Variants in CCDC171 observed in about 807,000 individuals in gnomAD.
The protein encoded by CCDC171 is coiled-coil domain containing 171, also known as coiled-coil domain-containing protein 171.
In CCDC171, 177 loss-of-function variants were observed where a neutral mutation model predicts 168.2. The observed-to-expected ratio is 1.05, with a 90% CI of 0.93 to 1.19. The LOEUF (loss-of-function observed/expected upper bound fraction) is 1.19, where lower values mean the gene tolerates loss of function less well. CCDC171 is among the 50% of genes most tolerant of loss of function. The pLI is 0.00. For synonymous variants in CCDC171, 687 were observed against 540.8 expected (o/e 1.27, Z -3.75); for missense variants, 1,991 against 1,539.0 (o/e 1.29, Z -4.91).
intron 20 of CCDC171, among the ~76,000 whole-genome samples, chr9:15,779,898 A>C (rs1340902657): frequency 1.3e-5 from 2 of 152,232 alleles, no homozygotes; most frequent in East Asian, 3.8e-4. Flanking sequence ...TTCTGTTTGC[A>C]GTTGGGATAG....
chr9:15,559,465 T>C (rs1024179615), intron 1 of CCDC171, among the ~76,000 whole-genome samples: 3 of 152,226 alleles, frequency 2.0e-5, no homozygotes, highest in Non-Finnish European at 4.4e-5. Context: ...CTTGTTGAAC[T>C]GATCCCTTTA....
intron 3 of CCDC171, among the ~76,000 whole-genome samples, chr9:16,013,968 G>T (rs188407875): frequency 5.3e-5 from 8 of 152,292 alleles, no homozygotes; most frequent in African/African-American, 1.9e-4. Context: ...ATTACTGAAG[G>T]CTGGGGTGGC....
chr9:16,080,864 T>A, the CCDC171 span, among the ~76,000 whole-genome samples: 3 of 152,318 alleles, frequency 2.0e-5, no homozygotes, highest in African/African-American at 7.2e-5. Flanking sequence ...TGTATCTCTC[T>A]GACCATAGTC....
chr9:15,853,813 T>G (rs538633293), intron 23 of CCDC171, among the ~76,000 whole-genome samples: 1 of 151,576 alleles, frequency 6.6e-6, no homozygotes, highest in South Asian at 2.1e-4. Flanking sequence ...AGGAATTCAG[T>G]TTTGTCAAAT....
At chr9:15,581,068 G>A (rs965720752) in intron 4 of CCDC171, among the ~76,000 whole-genome samples, 2 of 152,184 alleles carry the variant, frequency 1.3e-5, no homozygotes, top group African/African-American at 2.4e-5. Flanking sequence ...AAGCTGATAA[G>A]CAACTTCAGC....
At chr9:15,995,386 G>C (rs1256338198) in intron 3 of CCDC171, among the ~76,000 whole-genome samples, 1 of 152,198 alleles carries the variant, frequency 6.6e-6, no homozygotes, top group Non-Finnish European at 1.5e-5. Flanking sequence ...TGTCCCTGGT[G>C]ATCCATGTAT....
At chr9:15,604,094 G>A (rs968446206) in intron 6 of CCDC171, among the ~76,000 whole-genome samples, 1 of 101,558 alleles carries the variant, frequency 9.8e-6, no homozygotes, top group African/African-American at 3.5e-5. Flanking sequence ...ACTTTTTGAT[G>A]GTTTTTTTTT....
At chr9:15,824,955 A>G (rs1041955421) in intron 21 of CCDC171, among the ~76,000 whole-genome samples, 2 of 152,080 alleles carry the variant, frequency 1.3e-5, no homozygotes, top group African/African-American at 4.8e-5. Context: ...GACTTGGATG[A>G]TGGTGATGCA....
intron 11 of CCDC171, among the ~76,000 whole-genome samples, chr9:15,710,855 C>T (rs1416453940): frequency 6.6e-6 from 1 of 152,172 alleles, no homozygotes; most frequent in Admixed American, 6.5e-5. Flanking sequence ...CCTCGGCCTC[C>T]CAAAGTGCTG....
At chr9:15,854,350 A>G (rs139297110) in intron 23 of CCDC171, among the ~76,000 whole-genome samples, 17 of 151,302 alleles carry the variant, frequency 1.1e-4, no homozygotes, top group South Asian at 1.0e-3. Context: ...GAATTCGTCT[A>G]TTTTATCTAA....
intron 21 of CCDC171, 33 bp downstream of exon 21, chr9:15,784,727 A>G (rs773368544): frequency 1.2e-5 from 18 of 1,499,782 alleles, no homozygotes; most frequent in Admixed American, 1.7e-5. Context: ...GCATAAAGGG[A>G]TATTTTATCT....
intron 11 of CCDC171, among the ~76,000 whole-genome samples, chr9:15,695,751 C>T (rs114039132): frequency 0.012 from 1,828 of 152,256 alleles, 27 homozygotes; most frequent in African/African-American, 0.042. Context: ...TGTAGCATAG[C>T]GCATGTTCTA....
chr9:15,779,821 A>C (rs2135424625), intron 20 of CCDC171, among the ~76,000 whole-genome samples: 1 of 152,384 alleles, frequency 6.6e-6, no homozygotes, highest in East Asian at 1.9e-4. Context: ...TCGTATGCCA[A>C]ATACCATTAG....
At chr9:16,076,683 C>T in the CCDC171 span, among the ~76,000 whole-genome samples, 1 of 152,140 alleles carries the variant, frequency 6.6e-6, no homozygotes, top group Non-Finnish European at 1.5e-5. Context: ...TGCCTTTGTC[C>T]GTGACTATTA....
chr9:16,039,552 A>T (rs984490480), upstream of CCDC171, among the ~76,000 whole-genome samples: 7 of 152,196 alleles, frequency 4.6e-5, no homozygotes, highest in African/African-American at 1.7e-4. Flanking sequence ...ATTTCCCTGC[A>T]GGTCGGTAGC....
intron 7 of CCDC171, among the ~76,000 whole-genome samples, chr9:15,626,263 G>C (rs1328855237): frequency 6.6e-6 from 1 of 152,058 alleles, no homozygotes; most frequent in Non-Finnish European, 1.5e-5. Flanking sequence ...ATCTGAAAAT[G>C]GACAATTTGA....
intron 7 of CCDC171, among the ~76,000 whole-genome samples, chr9:15,656,205 C>T (rs1487179405): frequency 6.6e-6 from 1 of 151,914 alleles, no homozygotes; most frequent in Non-Finnish European, 1.5e-5. Flanking sequence ...TGTAGTAGTC[C>T]CAGCTACTTG....
Position 15,744,666 on chromosome 9 carries a change from A to C in CCDC171, c.2443A>C (p.Lys815Gln), listed in dbSNP as rs756614235. ...TGCTGTTTTGGCAGCAAACAGACTC[A>C]AGATTTTGGGCCAATCATGTGCCTC... is the stretch of plus-strand genomic sequence containing the variant. ...VIAVLAANRL[K>Q]ILGQSCASLF... The change falls in exon 17 of 26, where the codon AAG becomes CAG. Residue 815 changes from lysine to glutamine, a missense_variant. Transcript: ENST00000380701. The C allele has an allele frequency of 2.4e-5, 39 of 1,614,098 alleles. 1 individual carries two copies. The South Asian group carries it at 4.0e-4, about 16-fold the overall frequency.
intron 18 of CCDC171, among the ~76,000 whole-genome samples, chr9:15,759,817 G>A (rs1296001793): frequency 6.6e-6 from 1 of 152,084 alleles, no homozygotes; most frequent in African/African-American, 2.4e-5. Flanking sequence ...TTCTTTTAGA[G>A]AATGATTTTT....
Sources: gnomAD v4.1 joint callset for allele counts (sites outside exome capture counted in the v4.1 genomes callset) on GRCh38, gnomAD v4.1.1 for gene constraint, MANE v1.5 for transcripts, NCBI Gene and HGNC (gene_info 2026-07-23, HGNC 2026-07-21) for gene names.